The following WAPL variants were observed in gnomAD, a reference collection of about 807,000 sequenced individuals.
The protein encoded by WAPL is WAPL cohesin release factor.
A neutral mutation model predicts 121.0 loss-of-function variants in WAPL; 5 were observed. That is an observed-to-expected ratio of 0.04 (90% CI 0.02 to 0.09). The LOEUF is 0.09. Ranked by LOEUF, WAPL falls within the 10% of genes least tolerant of loss-of-function variation. The pLI, the probability that WAPL is intolerant of heterozygous loss-of-function variation, is 1.00. For missense variants in WAPL, 999 were observed against 1,410.8 expected (o/e 0.71, Z 4.68); for synonymous variants, 480 against 481.5 (o/e 1.00, Z 0.04).
At chr10:86,445,738 C>T (rs1289174493) in intron 16 of WAPL, among the ~76,000 whole-genome samples, 2 of 151,992 alleles carry the variant, frequency 1.3e-5, no homozygotes, top group African/African-American at 4.8e-5. Context: ...ATTGTTGTCT[C>T]AAACTCCTAG....
intron 4 of WAPL, among the ~76,000 whole-genome samples, chr10:86,480,282 T>C (rs1431566120): frequency 6.6e-6 from 1 of 152,190 alleles, no homozygotes; most frequent in African/African-American, 2.4e-5. Context: ...TGAAGAACAA[T>C]GCACACCACT....
At chr10:86,475,849 G>A (rs1841638511) in intron 4 of WAPL, among the ~76,000 whole-genome samples, 1 of 152,154 alleles carries the variant, frequency 6.6e-6, no homozygotes, top group Non-Finnish European at 1.5e-5. Flanking sequence ...TGGCAAGAAT[G>A]AGTGCCTCAA....
intron 12 of WAPL, among the ~76,000 whole-genome samples, chr10:86,455,683 TA>T (rs539594893): frequency 1.0e-4 from 3 of 29,102 alleles, no homozygotes; most frequent in Non-Finnish European, 1.5e-4. Context: ...CAATAAATAC[TA>T]AAAAAAAAAA....
intron 2 of WAPL, among the ~76,000 whole-genome samples, chr10:86,510,082 T>C (rs1842430606): frequency 7.1e-6 from 1 of 141,840 alleles, no homozygotes; most frequent in Non-Finnish European, 1.5e-5. Flanking sequence ...TTTTTTTTTT[T>C]TTTTTTTTTT....
At chr10:86,512,537 C>T (rs1255829594) in intron 2 of WAPL, among the ~76,000 whole-genome samples, 3 of 152,186 alleles carry the variant, frequency 2.0e-5, no homozygotes, top group Admixed American at 2.0e-4. Flanking sequence ...CTACTACCGA[C>T]GGCATTGATT....
intron 12 of WAPL, among the ~76,000 whole-genome samples, chr10:86,457,414 A>G (rs1841176100): frequency 6.6e-6 from 1 of 151,282 alleles, no homozygotes. Flanking sequence ...ACACTTTGGG[A>G]GGCCAAGGCG....
At chr10:86,439,911 C>T (rs7083506) in intron 17 of WAPL, among the ~76,000 whole-genome samples, 57,214 of 152,118 alleles carry the variant, frequency 0.38, 11,366 homozygotes, top group South Asian at 0.6. Context: ...GCAGCATTTA[C>T]TGCAACAACC....
intron 7 of WAPL, 79 bp from the exon 8 acceptor site, chr10:86,471,182 G>A: frequency 8.7e-7 from 1 of 1,145,628 alleles, no homozygotes; most frequent in Non-Finnish European, 1.3e-6. Flanking sequence ...ACCAAAACCA[G>A]CAAATAGGAA....
intron 15 of WAPL, among the ~76,000 whole-genome samples, chr10:86,446,743 TG>T (rs1849630760): frequency 6.6e-6 from 1 of 152,196 alleles, no homozygotes. Context: ...AATACAAAAT[TG>T]GAAAATTCTT....
At chr10:86,488,903 AG>A (rs900429712) in intron 4 of WAPL, among the ~76,000 whole-genome samples, 1 of 152,248 alleles carries the variant, frequency 6.6e-6, no homozygotes. Flanking sequence ...TGCCAAAACT[AG>A]GGGGTGAAGT....
chr10:86,467,551 C>T, intron 8 of WAPL, 45 bp from the exon 9 acceptor site: 6 of 1,367,278 alleles, frequency 4.4e-6, no homozygotes, highest in Non-Finnish European at 6.1e-6. Flanking sequence ...TTCATGTAAG[C>T]AACTCCTGAC....
chr10:86,475,642 G>A (rs1841633956), intron 4 of WAPL, among the ~76,000 whole-genome samples: 1 of 152,214 alleles, frequency 6.6e-6, no homozygotes, highest in African/African-American at 2.4e-5. Flanking sequence ...CTCATGCAAT[G>A]ACTTGATCTG....
rs112601584 is a variant in WAPL, at chr10:86,456,848, T to C, written c.2657+2141A>G. Among the ~76,000 whole-genome samples the C allele has an allele frequency of 1.6e-3, 242 of 152,310 alleles. 1 individual carries two copies. Among genetic ancestry groups the C allele is most frequent in the African/African-American group, 5.5e-3 (230 of 41,558 alleles). On this transcript the variant is annotated intron_variant, in intron 12 of 18. Coordinates refer to ENST00000298767, the MANE Select transcript of WAPL (RefSeq NM_015045.5). ...CAGCATATGTTATTTAATCTTTCTG[T>C]ATGCTATCTCCGAATTGATCATGGT...
At chr10:86,438,443 G>A (rs1203941777) in intron 17 of WAPL, among the ~76,000 whole-genome samples, 1 of 152,154 alleles carries the variant, frequency 6.6e-6, no homozygotes, top group African/African-American at 2.4e-5. Flanking sequence ...TAGCAGAGAC[G>A]TGGTTTCATC....
Position 86,488,188 on chromosome 10 carries a change from T to C in WAPL, c.1644+9013A>G, listed in dbSNP as rs1564579486. Among the ~76,000 whole-genome samples, 3 of 152,230 alleles carry C rather than the reference T, an allele frequency of 2.0e-5. No homozygotes were observed. The East Asian group carries it at 5.8e-4, about 29-fold the overall frequency. On this transcript the variant is annotated intron_variant, in intron 4 of 18. Transcript: ENST00000298767. ...TAGTGTGAACTCATGGTTCTAAACATACACAGAATGACCATGAAATAGACA... is the reference window on the plus strand; with the variant it reads ...TAGTGTGAACTCATGGTTCTAAACACACACAGAATGACCATGAAATAGACA...
At chr10:86,443,169 A>C in intron 17 of WAPL, 106 bp downstream of exon 17, 1 of 821,918 alleles carries the variant, frequency 1.2e-6, no homozygotes, top group East Asian at 2.6e-5. Flanking sequence ...TTGGACATTA[A>C]GGGGGAAACA....
At chr10:86,504,800 C>A (rs528256252) in intron 2 of WAPL, among the ~76,000 whole-genome samples, 1 of 152,040 alleles carries the variant, frequency 6.6e-6, no homozygotes, top group South Asian at 2.1e-4. Context: ...CCAGCCTGAG[C>A]AACACAGCGA....
At chr10:86,471,649 G>C (rs1312923771) in intron 7 of WAPL, among the ~76,000 whole-genome samples, 5 of 151,720 alleles carry the variant, frequency 3.3e-5, no homozygotes, top group Non-Finnish European at 5.9e-5. Flanking sequence ...TTTCTTTCTG[G>C]TAATTTTTTC....
intron 4 of WAPL, among the ~76,000 whole-genome samples, chr10:86,485,332 C>G (rs1178998165): frequency 6.6e-6 from 1 of 151,964 alleles, no homozygotes; most frequent in Non-Finnish European, 1.5e-5. Flanking sequence ...CGCTTGAGAT[C>G]AGGAGTTCAA....
Sources: allele counts gnomAD v4.1 joint callset (sites outside exome capture counted in the v4.1 genomes callset), GRCh38; gene constraint gnomAD v4.1.1; transcripts MANE v1.5; gene names NCBI Gene and HGNC (gene_info 2026-07-23, HGNC 2026-07-21).